The following MTMR2 variants were observed in gnomAD, a reference collection of about 807,000 sequenced individuals.
MTMR2 encodes myotubularin related protein 2, also known as phosphatidylinositol-3,5-bisphosphate 3-phosphatase MTMR2.
MTMR2 carries 55 observed loss-of-function variants against 86.9 expected under a neutral mutation model. The ratio of observed to expected loss-of-function variants is 0.63; its 90% confidence interval spans 0.51 to 0.79. The LOEUF (loss-of-function observed/expected upper bound fraction) is 0.79, where lower values mean the gene tolerates loss of function less well. Among genes scored for constraint, MTMR2 ranks in the 30% least tolerant of loss-of-function variants. The pLI, the probability that MTMR2 is intolerant of heterozygous loss-of-function variation, is 0.00. For synonymous variants in MTMR2, 241 were observed against 266.8 expected, an observed-to-expected ratio of 0.90 and a Z score of 0.94; for missense variants, 659 against 772.3, an observed-to-expected ratio of 0.85 and a Z score of 1.74.
intron 9 of MTMR2, among the ~76,000 whole-genome samples, chr11:95,848,558 T>C (rs1863892162): frequency 6.6e-6 from 1 of 152,198 alleles, no homozygotes; most frequent in African/African-American, 2.4e-5. Context: ...AAGAACCTTA[T>C]TTTTCTGGAC....
intron 2 of MTMR2, among the ~76,000 whole-genome samples, chr11:95,881,611 T>C (rs1259701631): frequency 6.6e-6 from 1 of 152,148 alleles, no homozygotes; most frequent in Non-Finnish European, 1.5e-5. Context: ...AACTGGGATC[T>C]TCTTTAAATC....
At chr11:95,840,789 T>G (rs1370796471) in intron 12 of MTMR2, among the ~76,000 whole-genome samples, 1 of 152,184 alleles carries the variant, frequency 6.6e-6, no homozygotes, top group African/African-American at 2.4e-5. Context: ...TAAATAAATA[T>G]GATCCAAAGC....
intron 1 of MTMR2, among the ~76,000 whole-genome samples, chr11:95,910,896 A>C (rs1285532465): frequency 2.0e-5 from 3 of 152,134 alleles, no homozygotes; most frequent in Non-Finnish European, 4.4e-5. Context: ...AAAAATAATA[A>C]AAGGCCTGCA....
intron 2 of MTMR2, among the ~76,000 whole-genome samples, chr11:95,871,206 ATG>A (rs1467917418): frequency 6.6e-6 from 1 of 152,218 alleles, no homozygotes; most frequent in Non-Finnish European, 1.5e-5. Flanking sequence ...TAACGTGTGC[ATG>A]TGTGTTTATA....
intron 1 of MTMR2, among the ~76,000 whole-genome samples, chr11:95,915,470 C>T (rs1418177447): frequency 1.3e-5 from 2 of 152,080 alleles, no homozygotes; most frequent in Non-Finnish European, 2.9e-5. Flanking sequence ...AAATTATAAA[C>T]TCCTTATGTT....
chr11:95,882,520 A>G (rs912547130), intron 2 of MTMR2: 2 of 151,854 alleles, frequency 1.3e-5, no homozygotes, highest in African/African-American at 4.8e-5. Flanking sequence ...AAATAAAATA[A>G]AATAAAATAA....
intron 3 of MTMR2, among the ~76,000 whole-genome samples, chr11:95,864,762 G>A (rs1864545658): frequency 6.6e-6 from 1 of 152,110 alleles, no homozygotes; most frequent in Admixed American, 6.5e-5. Flanking sequence ...GCTAAATTTA[G>A]TAAATAATAA....
chr11:95,862,230 C>A, intron 4 of MTMR2, 42 bp downstream of exon 4: 1 of 1,556,684 alleles, frequency 6.4e-7, no homozygotes, highest in Non-Finnish European at 8.8e-7. Flanking sequence ...TAGCTACAAA[C>A]AACACACTCA....
chr11:95,845,012 G>T lies in MTMR2; in HGVS notation c.1327C>A (p.Arg443=), dbSNP rs766536590. Reference sequence around the variant, plus strand: ...TTCTCCACAAGGACTTCAAATCCTCGGATGGTTCGATAGTATCCATCCAAC... The same window carrying T: ...TTCTCCACAAGGACTTCAAATCCTCTGATGGTTCGATAGTATCCATCCAAC... ...LMLDGYYRTI[R]GFEVLVEKEW... is the part of the protein sequence containing the mutation. Residue 443 remains arginine, a synonymous_variant, in exon 11 of 15, where the codon CGA becomes AGA. Coordinates refer to ENST00000346299, the MANE Select transcript of MTMR2 (RefSeq NM_016156.6). The T allele has an allele frequency of 1.2e-6, 2 of 1,613,774 alleles. No homozygotes were observed. Among genetic ancestry groups the T allele is most frequent in the Non-Finnish European group, 1.7e-6 (2 of 1,179,836 alleles).
Position 95,834,201 on chromosome 11 carries a change from G to C in MTMR2, c.*1089C>G, listed in dbSNP as rs147982779. On this transcript the variant is annotated 3_prime_UTR_variant, in exon 15 of 15. Transcript: ENST00000346299. ...TATGTAGAATAAAATAGACATCAGA[G>C]TCAAATGTTTCTACCAGCACCAAAC... 3.4e-4 allele frequency: 52 copies of C among 152,596 alleles called. No individual in the cohort carries two copies. The highest frequency in any genetic ancestry group is 1.5e-3 in the Admixed American group (23 of 15,248). 9.5% of individuals were successfully genotyped at this position (152,596 alleles called of 1,614,324 possible).
chr11:95,836,894 ATGAAATGTTC>A (rs1264990063), intron 13 of MTMR2, among the ~76,000 whole-genome samples: 1 of 152,032 alleles, frequency 6.6e-6, no homozygotes, highest in African/African-American at 2.4e-5. Context: ...TTCTGAGGTG[ATGAAATGTTC>A]TGAAATGAAA....
chr11:95,904,055 C>T (rs2135587651), intron 1 of MTMR2, among the ~76,000 whole-genome samples: 1 of 152,210 alleles, frequency 6.6e-6, no homozygotes, highest in African/African-American at 2.4e-5. Flanking sequence ...GTGGAGGTTG[C>T]AGTGGGCCAA....
chr11:95,887,627 G>C (rs1414801397), intron 2 of MTMR2: 1 of 174,480 alleles, frequency 5.7e-6, no homozygotes, highest in African/African-American at 2.4e-5. Context: ...ATAATGAGAT[G>C]TGTAGGAACT....
chr11:95,842,174 C>G (rs376069218), intron 11 of MTMR2, among the ~76,000 whole-genome samples: 1 of 152,248 alleles, frequency 6.6e-6, no homozygotes, highest in South Asian at 2.1e-4. Flanking sequence ...CAAGCAGAAA[C>G]ATTTTGATGT....
intron 2 of MTMR2, among the ~76,000 whole-genome samples, chr11:95,881,013 G>GT (rs1565370450): frequency 6.6e-6 from 1 of 151,674 alleles, no homozygotes; most frequent in Admixed American, 6.6e-5. Context: ...TCCTGATATC[G>GT]TAAGTCATAA....
chr11:95,837,047 G>C (rs1037345767), intron 13 of MTMR2, among the ~76,000 whole-genome samples: 1 of 151,722 alleles, frequency 6.6e-6, no homozygotes, highest in Non-Finnish European at 1.5e-5. Flanking sequence ...CTACCCCAAG[G>C]CTCTCAAAAA....
chr11:95,923,995 T>C lies in MTMR2; in HGVS notation c.-41A>G. The C allele has an allele frequency of 6.4e-7, 1 of 1,550,402 alleles. No individual in the cohort carries two copies. Among genetic ancestry groups the C allele is most frequent in the Non-Finnish European group, 8.7e-7 (1 of 1,146,544 alleles). Reference sequence around the variant, plus strand: ...GCACAGGGAAAGGCTGAAGCAGTCTTCGCGGCTACAGGGCGGGAGAAGCGG... The same window carrying C: ...GCACAGGGAAAGGCTGAAGCAGTCTCCGCGGCTACAGGGCGGGAGAAGCGG... On this transcript the variant is annotated 5_prime_UTR_variant, in exon 1 of 15. Transcript: ENST00000346299.
At chr11:95,923,388 T>C (rs189035900) in intron 1 of MTMR2, among the ~76,000 whole-genome samples, 2 of 151,772 alleles carry the variant, frequency 1.3e-5, no homozygotes, top group East Asian at 1.9e-4. Context: ...GAGAAAAGCA[T>C]GAAAGAAATT....
intron 1 of MTMR2, among the ~76,000 whole-genome samples, chr11:95,915,387 C>T (rs777816453): frequency 3.4e-4 from 51 of 152,038 alleles, no homozygotes; most frequent in Admixed American, 8.5e-4. Context: ...CTATTAAATC[C>T]TCAGAGCCTG....
Sources: allele counts gnomAD v4.1 joint callset (sites outside exome capture counted in the v4.1 genomes callset), GRCh38; gene constraint gnomAD v4.1.1; transcripts MANE v1.5; gene names NCBI Gene and HGNC (gene_info 2026-07-23, HGNC 2026-07-21).